The following HDHD5 variants were observed in gnomAD, a reference collection of about 807,000 sequenced individuals.
HDHD5 encodes the protein haloacid dehalogenase-like hydrolase domain-containing 5.
HDHD5 carries 34 observed loss-of-function variants against 35.5 expected under a neutral mutation model. The ratio of observed to expected loss-of-function variants is 0.96; its 90% CI spans 0.73 to 1.28. HDHD5 has a LOEUF of 1.28. HDHD5 is among the 50% of genes most tolerant of loss of function. The pLI, the probability that HDHD5 is intolerant of heterozygous loss-of-function variation, is 0.00. For missense variants in HDHD5, 589 were observed against 560.2 expected, an observed-to-expected ratio of 1.05 and a Z score of -0.52; for synonymous variants, 248 against 240.6, an observed-to-expected ratio of 1.03 and a Z score of -0.29.
At position 17,138,014 on chromosome 22, in the gene HDHD5, A is replaced by G. The variant is rs1334770495; in HGVS notation, c.*7T>C. The G allele has an allele frequency of 1.2e-6, 2 of 1,606,484 alleles. No individual in the cohort carries two copies. The highest frequency in any genetic ancestry group is 1.7e-6 in the Non-Finnish European group (2 of 1,174,660). On this transcript the variant is annotated 3_prime_UTR_variant, in exon 8 of 8. Transcript: ENST00000336737. ...AGGCTCACCCCCTCACCTCCACCGC[A>G]CTGCCCTCACTCCAAAGCCCAGCCC...
At chr22:17,141,282 G>C (rs180873343) in intron 5 of HDHD5, 49 bp from the exon 6 acceptor site, 2 of 1,546,048 alleles carry the variant, frequency 1.3e-6, no homozygotes, top group Non-Finnish European at 1.7e-6. Context: ...GATGGCAGGC[G>C]GCAGGCCCTC....
chr22:17,159,581 C>A, upstream of HDHD5: 1 of 429,868 alleles, frequency 2.3e-6, no homozygotes, highest in Non-Finnish European at 4.6e-6. Context: ...CCCAGGCCGG[C>A]CTCCCTCAGC....
Position 17,138,574 on chromosome 22 carries a change from G to C in HDHD5, c.911C>G (p.Pro304Arg). Residue 304 changes from proline to arginine, a missense_variant, in exon 7 of 8, where the codon CCC becomes CGC. Transcript: ENST00000336737. ...RQAERRGWAAPIRKLYAVGDN... is the reference protein window; with the variant it reads ...RQAERRGWAARIRKLYAVGDN... ...CCCCACAGCATAGAGCTTCCGGATG[G>C]GGGCGGCCCAGCCCCGCCTCTCCGC... The C allele has an allele frequency of 6.2e-7, 1 of 1,614,108 alleles. No homozygotes were observed. The highest frequency in any genetic ancestry group is 8.5e-7 in the Non-Finnish European group (1 of 1,179,984).
intron 3 of HDHD5, among the ~76,000 whole-genome samples, chr22:17,145,463 G>A (rs1182777402): frequency 6.6e-6 from 1 of 152,182 alleles, no homozygotes; most frequent in Non-Finnish European, 1.5e-5. Context: ...CAGCACTTTG[G>A]GAGGCTGAGG....
At chr22:17,159,723 GTCTT>G, upstream of HDHD5, 1 of 297,648 alleles carries the variant, frequency 3.4e-6, no homozygotes, top group Non-Finnish European at 6.6e-6. Flanking sequence ...CAATTGTTAA[GTCTT>G]TCATTGTTTC....
At chr22:17,143,165 A>T (rs2061618484) in intron 4 of HDHD5, 34 bp from the exon 5 acceptor site, 28 of 1,600,136 alleles carry the variant, frequency 1.7e-5, no homozygotes, top group Non-Finnish European at 2.4e-5. Flanking sequence ...TATCAACACA[A>T]GTCGCCTTCC....
At chr22:17,152,692 A>C (rs753095653) in intron 1 of HDHD5, among the ~76,000 whole-genome samples, 3 of 152,066 alleles carry the variant, frequency 2.0e-5, no homozygotes, top group Non-Finnish European at 4.4e-5. Context: ...ACTACTTAAT[A>C]ATGGACCACA....
At chr22:17,151,683 T>C (rs997200986) in intron 1 of HDHD5, among the ~76,000 whole-genome samples, 1 of 141,924 alleles carries the variant, frequency 7.0e-6, no homozygotes, top group African/African-American at 2.7e-5. Flanking sequence ...TGAGCCGGGA[T>C]CGTGCCACTG....
At chr22:17,151,505 G>GGGCA (rs2061724304) in intron 1 of HDHD5, among the ~76,000 whole-genome samples, 1 of 152,056 alleles carries the variant, frequency 6.6e-6, no homozygotes, top group African/African-American at 2.4e-5. Flanking sequence ...TCAAGAGGGT[G>GGGCA]GATCACTTGA....
Position 17,144,684 on chromosome 22 carries a change from A to G in HDHD5, c.537+340T>C, listed in dbSNP as rs534899127. Among the ~76,000 whole-genome samples the G allele has an allele frequency of 1.4e-3, 219 of 151,778 alleles. 1 individual carries two copies. The highest frequency in any genetic ancestry group is 2.8e-3 in the Non-Finnish European group (188 of 67,920). ...CCGCCTTGGCCTCCCAAAGTGCTGG[A>G]ATTACAGGTGTGACCCACCATGCCT... On this transcript the variant is annotated intron_variant, in intron 4 of 7. Coordinates refer to ENST00000336737, the MANE Select transcript of HDHD5 (RefSeq NM_033070.3).
chr22:17,142,217 C>A (rs2061608059), intron 5 of HDHD5: 2 of 152,138 alleles, frequency 1.3e-5, no homozygotes, highest in African/African-American at 4.8e-5. Flanking sequence ...CTCTACAAAA[C>A]AACAAGAAGA....
At position 17,138,148 on chromosome 22, in the gene HDHD5, T is replaced by C; in HGVS notation, c.1145A>G (p.Glu382Gly). Residue 382 changes from glutamate to glycine, a missense_variant, in exon 8 of 8, where the codon GAG becomes GGG. Physicochemically the swap from Glu to Gly is moderately conservative, Grantham distance 98. Coordinates refer to ENST00000336737, the MANE Select transcript of HDHD5 (RefSeq NM_033070.3). ...QSTEPVLGGG[E>G]PPFHGHRDLC... ...GTCTCGGTGCCCGTGGAATGGAGGC[T>C]CCCCTCCTCCAAGGACAGGCTCCGT... is the stretch of plus-strand genomic sequence containing the variant. The C allele has an allele frequency of 6.2e-7, 1 of 1,613,626 alleles. No individual in the cohort carries two copies. The highest frequency in any genetic ancestry group is 8.5e-7 in the Non-Finnish European group (1 of 1,179,836).
rs772777306 is a variant in HDHD5 at position 17,141,116 on chromosome 22, A to C, written c.689T>G (p.Leu230Arg). ...ATCCATGTTGCTGGCTAGGACGGGGAGGTGGGGGTAGGGGGGTGTTGCCAG... is the reference window on the plus strand; with the variant it reads ...ATCCATGTTGCTGGCTAGGACGGGGCGGTGGGGGTAGGGGGGTGTTGCCAG... ...AGLATPPYPH[L>R]PVLASNMDLL... The change falls in exon 6 of 8, where the codon CTC (leucine) becomes CGC (arginine). Residue 230 changes from leucine (L) to arginine (R), a missense_variant. Coordinates refer to ENST00000336737, the MANE Select transcript of HDHD5 (RefSeq NM_033070.3). 2.5e-6 allele frequency: 4 copies of C among 1,593,854 alleles called. No homozygotes were observed. The South Asian group carries it at 3.4e-5, about 14-fold the overall frequency.
intron 1 of HDHD5, chr22:17,158,825 G>T (rs2061832934): frequency 4.7e-6 from 1 of 214,756 alleles, no homozygotes; most frequent in South Asian, 1.8e-4. Context: ...CAGAAGACGC[G>T]CAGGGAAAAC....
intron 1 of HDHD5, among the ~76,000 whole-genome samples, chr22:17,154,068 T>A (rs1240011074): frequency 6.6e-6 from 1 of 151,642 alleles, no homozygotes; most frequent in Non-Finnish European, 1.5e-5. Context: ...TAGTCTTGTC[T>A]CAAAGCTGGT....
At chr22:17,165,141 G>A in intron 1 of HDHD5, 2 of 739,324 alleles carry the variant, frequency 2.7e-6, no homozygotes, top group Non-Finnish European at 5.1e-6. Flanking sequence ...ATGTTTCCCT[G>A]AAAATGGGAC....
intron 1 of HDHD5, among the ~76,000 whole-genome samples, chr22:17,150,659 C>T (rs2061716246): frequency 6.6e-6 from 1 of 152,072 alleles, no homozygotes; most frequent in Non-Finnish European, 1.5e-5. Flanking sequence ...GCTGGGATTA[C>T]AGGTGCACCC....
chr22:17,163,968 C>A (rs2061877522), upstream of HDHD5, among the ~76,000 whole-genome samples: 1 of 152,206 alleles, frequency 6.6e-6, no homozygotes, highest in African/African-American at 2.4e-5. Context: ...GGCCTGTAAT[C>A]CCAGCACTTT....
At chr22:17,158,060 C>T (rs2061819480) in intron 1 of HDHD5, among the ~76,000 whole-genome samples, 1 of 152,146 alleles carries the variant, frequency 6.6e-6, no homozygotes, top group South Asian at 2.1e-4. Context: ...CTGGCTCATG[C>T]CTGTAATCTC....
Sources: gnomAD v4.1 joint callset for allele counts (sites outside exome capture counted in the v4.1 genomes callset) on GRCh38, gnomAD v4.1.1 for gene constraint, MANE v1.5 for transcripts, NCBI Gene and HGNC (gene_info 2026-07-23, HGNC 2026-07-21) for gene names.